ITGA6: variants seen among roughly 807,000 people sequenced by gnomAD.
ITGA6 encodes integrin subunit alpha 6.
ITGA6 carries 63 observed loss-of-function variants against 133.6 expected under a neutral mutation model. That is an observed-to-expected ratio of 0.47 (90% confidence interval 0.38 to 0.58). The LOEUF (loss-of-function observed/expected upper bound fraction) is 0.58, where lower values mean the gene tolerates loss of function less well. ITGA6 is among the 20% of genes least tolerant of loss of function. The pLI is 0.00. For missense variants in ITGA6, 1,068 were observed against 1,309.4 expected, an observed-to-expected ratio of 0.82 and a Z score of 2.85; for synonymous variants, 434 against 482.0, an observed-to-expected ratio of 0.90 and a Z score of 1.30.
intron 1 of ITGA6, among the ~76,000 whole-genome samples, chr2:172,446,636 C>T (rs1684779770): frequency 6.6e-6 from 1 of 152,154 alleles, no homozygotes; most frequent in South Asian, 2.1e-4. Context: ...AGATTGGACT[C>T]CAAATCACAA....
chr2:172,479,698 C>T lies in ITGA6; in HGVS notation c.1446C>T (p.Asp482=), dbSNP rs1371760807. Residue 482 remains aspartate, a synonymous_variant, in exon 10 of 26, where the codon GAC becomes GAT. Coordinates refer to ENST00000684293, the MANE Select transcript of ITGA6 (RefSeq NM_000210.4). ...KTITVTPNRI[D]LRQKTACGAP... is the part of the protein sequence containing the mutation. ...TCACAGTAACTCCTAACAGAATTGA[C>T]CTCCGCCAGAAAACAGCGTGTGGGG... The T allele has an allele frequency of 1.2e-6, 2 of 1,613,922 alleles. No homozygotes were observed. The highest frequency in any genetic ancestry group is 1.1e-5 in the South Asian group (1 of 91,072).
At chr2:172,485,820 G>T (rs1419812689) in intron 13 of ITGA6, among the ~76,000 whole-genome samples, 1 of 152,180 alleles carries the variant, frequency 6.6e-6, no homozygotes, top group African/African-American at 2.4e-5. Flanking sequence ...GATGGTTAAG[G>T]TGCAAGGTTA....
At chr2:172,445,922 G>A (rs1684750335) in intron 1 of ITGA6, among the ~76,000 whole-genome samples, 1 of 152,236 alleles carries the variant, frequency 6.6e-6, no homozygotes, top group South Asian at 2.1e-4. Flanking sequence ...GGAAGCAGCA[G>A]TGTGATGCTT....
At chr2:172,448,365 C>T (rs904664918) in intron 1 of ITGA6, among the ~76,000 whole-genome samples, 1 of 151,932 alleles carries the variant, frequency 6.6e-6, no homozygotes, top group South Asian at 2.1e-4. Context: ...TCTGGGAGCC[C>T]AGGAGTGCTA....
intron 1 of ITGA6, among the ~76,000 whole-genome samples, chr2:172,436,182 G>C (rs1684313117): frequency 6.6e-6 from 1 of 152,164 alleles, no homozygotes; most frequent in African/African-American, 2.4e-5. Context: ...TCTGGGCACT[G>C]CTGGGCCTTT....
rs2148984943 is a variant in ITGA6, at chr2:172,427,607, C to G, written c.-182C>G. The stretch of plus-strand genomic sequence containing the variant: ...GAACAACGGGCTCATTCAGCGGTCG[C>G]GAGCTGCCCGCGAGGGGGAGCGGCC... On this transcript the variant is annotated 5_prime_UTR_variant, in exon 1 of 26. Transcript: ENST00000684293. The G allele has an allele frequency of 1.6e-6, 2 of 1,275,982 alleles. No homozygotes were observed. Among genetic ancestry groups the G allele is most frequent in the Non-Finnish European group, 2.0e-6 (2 of 1,014,802 alleles). The allele number at this position is 1,275,982 out of a possible 1,614,324, so 79.0% of individuals were successfully genotyped here.
At chr2:172,468,492 A>C (rs892264385) in intron 3 of ITGA6, among the ~76,000 whole-genome samples, 1 of 152,234 alleles carries the variant, frequency 6.6e-6, no homozygotes, top group Non-Finnish European at 1.5e-5. Context: ...CTGTGTTTAC[A>C]TGGAGGTTAG....
At chr2:172,486,123 C>T (rs914315677) in intron 13 of ITGA6, among the ~76,000 whole-genome samples, 4 of 135,816 alleles carry the variant, frequency 2.9e-5, no homozygotes, top group East Asian at 2.5e-4. Flanking sequence ...TGCAGTGAGC[C>T]GAGATGGCAC....
chr2:172,480,877 G>T (rs1352009141), intron 11 of ITGA6: 1 of 152,132 alleles, frequency 6.6e-6, no homozygotes, highest in Non-Finnish European at 1.5e-5. Flanking sequence ...TTTTGACACC[G>T]TTAATGATAC....
rs539856111 is a variant in ITGA6 at position 172,437,859 on chromosome 2, C to T, written c.182+9889C>T. Among the ~76,000 whole-genome samples the T allele has an allele frequency of 5.4e-5, 8 of 148,770 alleles. No homozygotes were observed. The South Asian group carries it at 1.5e-3, about 27-fold the overall frequency. On this transcript the variant is annotated intron_variant, in intron 1 of 25. Transcript: ENST00000684293. ...GGAGGAGAGGGAGGGAGTGTGTGGT[C>T]CTGGAAACCACATGATGGGGTTTCA...
At chr2:172,442,038 C>T (rs1279941275) in intron 1 of ITGA6, among the ~76,000 whole-genome samples, 2 of 152,226 alleles carry the variant, frequency 1.3e-5, no homozygotes, top group Non-Finnish European at 2.9e-5. Flanking sequence ...TCCTGAGTTG[C>T]TCAGATGATA....
chr2:172,486,325 A>AT (rs963184199), intron 13 of ITGA6, among the ~76,000 whole-genome samples: 7 of 152,050 alleles, frequency 4.6e-5, no homozygotes, highest in Admixed American at 3.9e-4. Flanking sequence ...ATTGTCAATC[A>AT]TTTTTGTCAC....
At chr2:172,432,863 T>C (rs1444721231) in intron 1 of ITGA6, among the ~76,000 whole-genome samples, 3 of 152,202 alleles carry the variant, frequency 2.0e-5, no homozygotes, top group African/African-American at 4.8e-5. Context: ...TGAAAGCAAC[T>C]TGACAGGGGT....
Position 172,491,303 on chromosome 2 carries a change from C to G in ITGA6, c.2861C>G (p.Ser954Trp). Residue 954 changes from serine (S) to tryptophan (W), a missense_variant, in exon 22 of 26, where the codon TCG becomes TGG. Ser to Trp is a radical substitution (Grantham distance 177). Around this residue, in one of 3 missense-constraint regions of ITGA6, gnomAD observed 609 missense variants for 707.2 expected, o/e 0.86. Transcript: ENST00000684293. This position sits in a 1 kb window ranked among gnomAD's most constrained non-coding sequence, Gnocchi z 4.4. ...LDSKASLILR[S>W]RLWNSTFLEE... The stretch of plus-strand genomic sequence containing the variant: ...AGCAAGGCGTCTCTTATTTTGCGCT[C>G]GAGGTTATGGAACAGCACATTTCTA... The G allele has an allele frequency of 6.2e-7, 1 of 1,611,292 alleles. No individual in the cohort carries two copies. The highest frequency in any genetic ancestry group is 8.5e-7 in the Non-Finnish European group (1 of 1,177,420).
chr2:172,460,632 CTG>C lies in ITGA6; in HGVS notation c.183-4905_183-4904del, dbSNP rs1248178331. ...GTGGGGCTTGGGATGAGTTTGGAATCTGTTGCTTTCTACCGTTAAGTCTTTTA... is the reference window on the plus strand; with the variant it reads ...GTGGGGCTTGGGATGAGTTTGGAATCTTGCTTTCTACCGTTAAGTCTTTTA... On this transcript the variant is annotated intron_variant, in intron 1 of 25. Coordinates refer to ENST00000684293, the MANE Select transcript of ITGA6 (RefSeq NM_000210.4). Among the ~76,000 whole-genome samples the C allele has an allele frequency of 2.6e-5, 4 of 152,158 alleles. No individual in the cohort carries two copies. The East Asian group carries it at 7.7e-4, about 29-fold the overall frequency.
rs1233010383 is a variant in ITGA6 at position 172,427,891 on chromosome 2, C to T, written c.103C>T (p.Arg35Trp). Residue 35 changes from arginine to tryptophan, a missense_variant, in exon 1 of 26, where the codon CGG (arginine) becomes TGG (tryptophan). Arg to Trp is a moderately radical substitution (Grantham distance 101, BLOSUM62 -3). Coordinates refer to ENST00000684293, the MANE Select transcript of ITGA6 (RefSeq NM_000210.4). ...GGACACTCGGGAGGACAACGTGATC[C>T]GGAAATATGGAGACCCCGGGAGCCT... Reference protein sequence around the residue: ...NLDTREDNVIRKYGDPGSLFG... With the variant: ...NLDTREDNVIWKYGDPGSLFG... The T allele has an allele frequency of 7.5e-6, 12 of 1,607,254 alleles. No individual in the cohort carries two copies. The highest frequency in any genetic ancestry group is 6.8e-5 in the East Asian group (3 of 44,352).
intron 23 of ITGA6, among the ~76,000 whole-genome samples, chr2:172,493,797 G>A (rs1687018134): frequency 6.6e-6 from 1 of 152,214 alleles, no homozygotes. Context: ...TGGGTCTGAT[G>A]TCTCCTCTTC....
chr2:172,471,071 A>C lies in ITGA6; in HGVS notation c.741A>C (p.Glu247Asp), dbSNP rs760413657. The change falls in exon 5 of 26, where the codon GAA (glutamate) becomes GAC (aspartate). Residue 247 changes from glutamate to aspartate, a missense_variant. Physicochemically the swap from Glu to Asp is conservative, Grantham distance 45 (BLOSUM62 2). This residue lies in a region of ITGA6 where 317 missense variants were observed against 456.9 expected (regional missense o/e 0.69). Transcript: ENST00000684293. Reference sequence around the variant, plus strand: ...TTGGTGGAGAGACTGAGCATGATGAAAGTCTCGTTCCTGTTCCTGCTAACA... The same window carrying C: ...TTGGTGGAGAGACTGAGCATGATGACAGTCTCGTTCCTGTTCCTGCTAACA... ...YEVGGETEHD[E>D]SLVPVPANSY... is the part of the protein sequence containing the mutation. 1.2e-5 allele frequency: 19 copies of C among 1,614,156 alleles called. No individual in the cohort carries two copies. Among genetic ancestry groups the C allele is most frequent in the Non-Finnish European group, 1.4e-5 (17 of 1,180,006 alleles).
At chr2:172,436,086 C>T (rs1050030833) in intron 1 of ITGA6, among the ~76,000 whole-genome samples, 1 of 152,146 alleles carries the variant, frequency 6.6e-6, no homozygotes, top group Non-Finnish European at 1.5e-5. Flanking sequence ...TAAGGCGATA[C>T]TTTGAAAAAG....
Sources: gnomAD v4.1 joint callset for allele counts (sites outside exome capture counted in the v4.1 genomes callset) on GRCh38, gnomAD v4.1.1 for gene constraint, gnomAD v4.1.1 regional missense constraint, Gnocchi (gnomAD v3.1) non-coding constraint, MANE v1.5 for transcripts, NCBI Gene and HGNC (gene_info 2026-07-23, HGNC 2026-07-21) for gene names.